The following BEGAIN variants were observed in gnomAD, a reference collection of about 807,000 sequenced individuals.
BEGAIN encodes brain-enriched guanylate kinase-associated protein.
BEGAIN carries 19 observed loss-of-function variants against 35.8 expected under a neutral mutation model. The observed-to-expected ratio is 0.53, with a 90% CI of 0.37 to 0.78. BEGAIN has a LOEUF of 0.78. Among genes scored for constraint, BEGAIN ranks in the 30% least tolerant of loss-of-function variants. The pLI is 0.00. For missense variants in BEGAIN, 795 were observed against 853.6 expected (o/e 0.93, Z 0.85); for synonymous variants, 462 against 388.6 (o/e 1.19, Z -2.22).
chr14:100,557,655 C>G (rs2033879350), intron 2 of BEGAIN, among the ~76,000 whole-genome samples: 1 of 152,268 alleles, frequency 6.6e-6, no homozygotes, highest in South Asian at 2.1e-4. Flanking sequence ...CCACTGGGCT[C>G]CTGCACCCAC....
At chr14:100,542,259 C>T (rs2031738309) in intron 5 of BEGAIN, among the ~76,000 whole-genome samples, 1 of 152,252 alleles carries the variant, frequency 6.6e-6, no homozygotes, top group Non-Finnish European at 1.5e-5. Context: ...GACCTGGTCT[C>T]TCAGCAGCTG....
At chr14:100,539,471 G>T (rs1022889774) in intron 6 of BEGAIN, among the ~76,000 whole-genome samples, 156 bp from the exon 7 acceptor site, 4 of 152,214 alleles carry the variant, frequency 2.6e-5, no homozygotes, top group Non-Finnish European at 5.9e-5. Flanking sequence ...ACCAGGGGGA[G>T]CCTGGATCCA....
At position 100,545,130 on chromosome 14, in the gene BEGAIN, C is replaced by T. The variant is rs370438499; in HGVS notation, c.234-64G>A. ...CTGTCCCTCCCACGACCCTTATGGC[C>T]GCACAGCCTGCTGAGCAGGGTGGGG... On this transcript the variant is annotated intron_variant, in intron 3 of 6. Transcript: ENST00000554140. 341 of 1,608,204 alleles carry T rather than the reference C, an allele frequency of 2.1e-4. 4 individuals are homozygous for T. In the South Asian group the frequency reaches 3.2e-3, roughly 15 times the overall value.
chr14:100,540,363 G>T, intron 6 of BEGAIN, 133 bp downstream of exon 6: 1 of 717,686 alleles, frequency 1.4e-6, no homozygotes, highest in South Asian at 1.7e-5. Context: ...ACAGGAGCGA[G>T]GGGGACAGAG....
intron 2 of BEGAIN, among the ~76,000 whole-genome samples, chr14:100,556,946 C>T (rs1032776935): frequency 4.6e-5 from 7 of 152,338 alleles, no homozygotes; most frequent in African/African-American, 1.7e-4. Flanking sequence ...TGATCTCCAT[C>T]CAACCTGGAT....
intron 2 of BEGAIN, among the ~76,000 whole-genome samples, chr14:100,561,956 C>T (rs1415439589): frequency 6.6e-6 from 1 of 152,132 alleles, no homozygotes; most frequent in Non-Finnish European, 1.5e-5. Flanking sequence ...CAGACTCATA[C>T]CCCAGCTGTC....
At chr14:100,578,101 T>C (rs1304060190) in intron 1 of BEGAIN, 5 of 397,712 alleles carry the variant, frequency 1.3e-5, no homozygotes, top group African/African-American at 2.1e-5. Context: ...CGCCTGCCCA[T>C]TGATCCAGTG....
chr14:100,546,786 ACACACACACACACACACACACACACACT>A (rs2032563847), intron 2 of BEGAIN, 124 bp from the exon 3 acceptor site: 1 of 480,654 alleles, frequency 2.1e-6, no homozygotes, highest in South Asian at 3.1e-5. Context: ...GCGCGCACAC[ACACACACACACACACACACACACACACT>A]CACACACACC....
intron 2 of BEGAIN, among the ~76,000 whole-genome samples, chr14:100,556,476 G>A (rs1436996727): frequency 3.3e-5 from 5 of 152,268 alleles, no homozygotes; most frequent in Admixed American, 2.0e-4. Context: ...GAGATGGGAC[G>A]GCTGTAGTCA....
chr14:100,568,307 T>TCCCCCCCCCCCCCCCCTTAACCCCTCCTG lies in BEGAIN; in HGVS notation c.43-369_43-368insCAGGAGGGGTTAAGGGGGGGGGGGGGGGG. ...TCTCCGGCGGCCGCGGCCCCGCTGCTCCCCCCGCCCCGCCCGTTAACCCTT... is the reference window on the plus strand; with the variant it reads ...TCTCCGGCGGCCGCGGCCCCGCTGCTCCCCCCCCCCCCCCCCTTAACCCCTCCTGCCCCCCGCCCCGCCCGTTAACCCTT... On this transcript the variant is annotated intron_variant, in intron 1 of 6. Coordinates refer to ENST00000554140, the MANE Select transcript of BEGAIN (RefSeq NM_001385089.1). This position sits in a 1 kb window ranked among gnomAD's most constrained non-coding sequence, Gnocchi z 7.5. 1 of 707,820 alleles carries TCCCCCCCCCCCCCCCCTTAACCCCTCCTG rather than the reference T, an allele frequency of 1.4e-6. No individual in the cohort carries two copies. Among genetic ancestry groups the TCCCCCCCCCCCCCCCCTTAACCCCTCCTG allele is most frequent in the East Asian group, 7.8e-5 (1 of 12,884 alleles). The allele number at this position is 707,820 out of a possible 1,614,324, so 43.8% of individuals were successfully genotyped here. A position where few individuals can be genotyped will look rare whatever the true frequency, so the allele number is the denominator to read the frequency against.
rs2034416859 is a variant in BEGAIN, at chr14:100,563,127, T to G, written c.71+4784A>C. On this transcript the variant is annotated intron_variant, in intron 2 of 6. Transcript: ENST00000554140. This position sits in a 1 kb window ranked among gnomAD's most constrained non-coding sequence, Gnocchi z 4.2. ...ATCCCTGGGACATCAGCCTGGCACT[T>G]CTGCAGAGTGTCTCAGCCTGGACAA... 1.3e-5 allele frequency among the ~76,000 whole-genome samples: 2 copies of G among 152,224 alleles called. No homozygotes were observed. The highest frequency in any genetic ancestry group is 4.8e-5 in the African/African-American group (2 of 41,460).
At chr14:100,580,107 C>G (rs2139761598) in intron 1 of BEGAIN, among the ~76,000 whole-genome samples, 1 of 152,306 alleles carries the variant, frequency 6.6e-6, no homozygotes, top group South Asian at 2.1e-4. Flanking sequence ...GAGTTCGAGA[C>G]TAGCCTAACC....
chr14:100,575,165 C>T (rs1414327121), intron 1 of BEGAIN, among the ~76,000 whole-genome samples: 1 of 152,108 alleles, frequency 6.6e-6, no homozygotes, highest in Non-Finnish European at 1.5e-5. Context: ...ATGGTGGAGC[C>T]CCAGGCATTG....
chr14:100,539,274 C>A lies in BEGAIN; in HGVS notation c.534G>T (p.Glu178Asp). 1 of 1,583,698 alleles carries A rather than the reference C, an allele frequency of 6.3e-7. No individual in the cohort carries two copies. Among genetic ancestry groups the A allele is most frequent in the Non-Finnish European group, 8.6e-7 (1 of 1,165,902 alleles). ...GGGATGGCAGGCTGCAGCCGTGCTT[C>A]TCCATGTGCAGGCTCACGCGCTCCT... ...DFQERVSLHM[E>D]KHGCSLPSPL... The change falls in exon 7 of 7, where the codon GAG (glutamate) becomes GAT (aspartate). Residue 178 changes from glutamate to aspartate, a missense_variant. Around this residue, in one of 3 missense-constraint regions of BEGAIN, gnomAD observed 664 missense variants for 647.7 expected, o/e 1.03. Coordinates refer to ENST00000554140, the MANE Select transcript of BEGAIN (RefSeq NM_001385089.1).
At position 100,568,435 on chromosome 14, in the gene BEGAIN, T is replaced by G. The variant is rs903532848; in HGVS notation, c.43-496A>C. 7.8e-7 allele frequency: 1 copy of G among 1,282,780 alleles called. No homozygotes were observed. Among genetic ancestry groups the G allele is most frequent in the South Asian group, 1.2e-5 (1 of 80,050 alleles). The allele number at this position is 1,282,780 out of a possible 1,614,324, so 79.5% of individuals were successfully genotyped here. A position where few individuals can be genotyped will look rare whatever the true frequency, so the allele number is the denominator to read the frequency against. On this transcript the variant is annotated intron_variant, in intron 1 of 6. Coordinates refer to ENST00000554140, the MANE Select transcript of BEGAIN (RefSeq NM_001385089.1). The surrounding 1 kb of genome is among the most constrained non-coding windows in gnomAD (Gnocchi z 7.5). Reference sequence around the variant, plus strand: ...CGGGGCCGTGCAGGATTGCAGAACCTGACACTCACACAATCCGAGGGCGAT... The same window carrying G: ...CGGGGCCGTGCAGGATTGCAGAACCGGACACTCACACAATCCGAGGGCGAT...
intron 2 of BEGAIN, among the ~76,000 whole-genome samples, chr14:100,560,947 G>A (rs906799045): frequency 6.6e-6 from 1 of 152,290 alleles, no homozygotes; most frequent in Admixed American, 6.5e-5. Context: ...TTGCAGACAC[G>A]GGGGACCTTT....
Position 100,567,298 on chromosome 14 carries a change from G to T in BEGAIN, c.71+613C>A, listed in dbSNP as rs979622598. Among the ~76,000 whole-genome samples the T allele has an allele frequency of 6.6e-6, 1 of 152,146 alleles. No homozygotes were observed. Among genetic ancestry groups the T allele is most frequent in the Non-Finnish European group, 1.5e-5 (1 of 68,012 alleles). ...AGGTGGTCCCGTGAAGTCTACCAAG[G>T]CTTAAAGTTTGGCACCGGGAGGGAG... On this transcript the variant is annotated intron_variant, in intron 2 of 6. Coordinates refer to ENST00000554140, the MANE Select transcript of BEGAIN (RefSeq NM_001385089.1). This position sits in a 1 kb window ranked among gnomAD's most constrained non-coding sequence, Gnocchi z 5.1.
At chr14:100,560,935 CT>C in intron 2 of BEGAIN, among the ~76,000 whole-genome samples, 1 of 152,228 alleles carries the variant, frequency 6.6e-6, no homozygotes. Context: ...TCTCAGGTTG[CT>C]TTGCAGACAC....
intron 2 of BEGAIN, among the ~76,000 whole-genome samples, chr14:100,564,777 T>A (rs1293879509): frequency 2.0e-5 from 3 of 151,988 alleles, no homozygotes; most frequent in Non-Finnish European, 4.4e-5. Flanking sequence ...AGACCCCGGC[T>A]CTGTTCTCTG....
Sources: gnomAD v4.1 joint callset for allele counts (sites outside exome capture counted in the v4.1 genomes callset) on GRCh38, gnomAD v4.1.1 for gene constraint, gnomAD v4.1.1 regional missense constraint, Gnocchi (gnomAD v3.1) non-coding constraint, MANE v1.5 for transcripts, NCBI Gene and HGNC (gene_info 2026-07-23, HGNC 2026-07-21) for gene names.